The following TCF4 variants were observed in gnomAD, a reference collection of about 807,000 sequenced individuals.
TCF4 encodes transcription factor 4.
In TCF4, 3 loss-of-function variants were observed where a neutral mutation model predicts 82.1. The ratio of observed to expected loss-of-function variants is 0.04; its 90% confidence interval spans 0.02 to 0.09. The LOEUF (loss-of-function observed/expected upper bound fraction) is 0.09, where lower values mean the gene tolerates loss of function less well. TCF4 is among the 10% of genes least tolerant of loss of function. The pLI is 1.00. For missense variants in TCF4, 518 were observed against 852.7 expected, an observed-to-expected ratio of 0.61 and a Z score of 4.89; for synonymous variants, 276 against 309.6, an observed-to-expected ratio of 0.89 and a Z score of 1.14.
chr18:55,326,553 G>A (rs2076600502), intron 8 of TCF4, among the ~76,000 whole-genome samples: 1 of 151,868 alleles, frequency 6.6e-6, no homozygotes, highest in Non-Finnish European at 1.5e-5. Context: ...TCTTTTTGGA[G>A]CACCAAACAC....
chr18:55,530,520 C>T (rs1478222029), intron 3 of TCF4, among the ~76,000 whole-genome samples: 2 of 114,020 alleles, frequency 1.8e-5, no homozygotes, highest in African/African-American at 7.1e-5. Context: ...AAAGGAATAG[C>T]ATTATGCGGG....
chr18:55,272,192 C>A (rs1387589821), intron 10 of TCF4, among the ~76,000 whole-genome samples: 1 of 151,878 alleles, frequency 6.6e-6, no homozygotes, highest in Non-Finnish European at 1.5e-5. Context: ...AAGGAGTGAA[C>A]CAATGGAATC....
At position 55,275,666 on chromosome 18, in the gene TCF4, T is replaced by C; in HGVS notation, c.742A>G (p.Ile248Val). The C allele has an allele frequency of 3.1e-6, 5 of 1,613,882 alleles. No individual in the cohort carries two copies. Among genetic ancestry groups the C allele is most frequent in the Non-Finnish European group, 4.2e-6 (5 of 1,179,802 alleles). Residue 248 changes from isoleucine (I) to valine (V), a missense_variant, in exon 10 of 20, where the codon ATT becomes GTT. Physicochemically the swap from Ile to Val is conservative, Grantham distance 29. Around this residue, in one of 7 missense-constraint regions of TCF4, gnomAD observed 211 missense variants for 327.4 expected, o/e 0.64. Transcript: ENST00000354452. ...CTACAGTAGCTGCTGGACTGTGGAA[T>C]ATGAGAAGAGTTGCCCAACATTCCT... ...YAGMLGNSSH[I>V]PQSSSYCSLH...
chr18:55,430,575 C>G (rs2095157480), intron 5 of TCF4, among the ~76,000 whole-genome samples: 1 of 152,142 alleles, frequency 6.6e-6, no homozygotes, highest in Non-Finnish European at 1.5e-5. Context: ...GAATCAAACC[C>G]TACTGGGACT....
At chr18:55,247,979 G>T (rs1456918838) in intron 15 of TCF4, among the ~76,000 whole-genome samples, 1 of 152,172 alleles carries the variant, frequency 6.6e-6, no homozygotes, top group Admixed American at 6.5e-5. Flanking sequence ...GAAGGAGGCT[G>T]ATCAAGACTT....
At chr18:55,419,077 A>C (rs1244930393) in intron 5 of TCF4, among the ~76,000 whole-genome samples, 3 of 152,280 alleles carry the variant, frequency 2.0e-5, no homozygotes, top group Non-Finnish European at 2.9e-5. Flanking sequence ...ACCTGATCCG[A>C]GGGGCTTTTA....
At chr18:55,623,918 G>A (rs1182515379) in intron 2 of TCF4, among the ~76,000 whole-genome samples, 1 of 152,094 alleles carries the variant, frequency 6.6e-6, no homozygotes, top group Non-Finnish European at 1.5e-5. Flanking sequence ...CTATTCAGAG[G>A]ATATTGCAAT....
chr18:55,591,335 T>A (rs1477391251), upstream of TCF4: 1 of 152,254 alleles, frequency 6.6e-6, no homozygotes, highest in Non-Finnish European at 1.5e-5. Context: ...AATGAAAAGA[T>A]CACAAACGTT....
intron 5 of TCF4, among the ~76,000 whole-genome samples, chr18:55,440,375 T>C (rs1603466062): frequency 6.6e-6 from 1 of 152,348 alleles, no homozygotes; most frequent in African/African-American, 2.4e-5. Flanking sequence ...TTCATTTTCT[T>C]CTTCTCACCC....
intron 3 of TCF4, among the ~76,000 whole-genome samples, chr18:55,580,116 G>A (rs972591300): frequency 6.6e-6 from 1 of 151,916 alleles, no homozygotes; most frequent in South Asian, 2.1e-4. Flanking sequence ...GGATCCCCAC[G>A]CTTGTTTAAT....
rs989330479 is a variant in TCF4, at chr18:55,534,576, G to A, written c.145+50704C>T. Among the ~76,000 whole-genome samples the A allele has an allele frequency of 2.0e-5, 3 of 152,168 alleles. No individual in the cohort carries two copies. The East Asian group carries it at 5.8e-4, about 29-fold the overall frequency. On this transcript the variant is annotated intron_variant, in intron 3 of 19. Coordinates refer to ENST00000354452, the MANE Select transcript of TCF4 (RefSeq NM_001083962.2). ...ACCCAGACTTCTTCACTGTTTTAGA[G>A]AATAAGACACAGCAGAGTAGCGGCT...
intron 3 of TCF4, among the ~76,000 whole-genome samples, chr18:55,473,122 A>C (rs1242218407): frequency 6.6e-6 from 1 of 152,198 alleles, no homozygotes; most frequent in Non-Finnish European, 1.5e-5. Context: ...CTATTTGGTA[A>C]ATAATTTATT....
chr18:55,429,643 C>G lies in TCF4; in HGVS notation c.305-26125G>C, dbSNP rs572917263. 2.6e-5 allele frequency among the ~76,000 whole-genome samples: 4 copies of G among 151,862 alleles called. No individual in the cohort carries two copies. The East Asian group carries it at 7.7e-4, about 29-fold the overall frequency. On this transcript the variant is annotated intron_variant, in intron 5 of 19. Coordinates refer to ENST00000354452, the MANE Select transcript of TCF4 (RefSeq NM_001083962.2). ...GGGCATGGTGGTGGGCGCCTGTGGT[C>G]CCAGCTACTCGGGAGGCTGAGGCAG... is the stretch of plus-strand genomic sequence containing the variant.
At position 55,298,328 on chromosome 18, in the gene TCF4, C is replaced by T. The variant is rs377529057; in HGVS notation, c.550-18672G>A. Among the ~76,000 whole-genome samples the T allele has an allele frequency of 3.9e-5, 6 of 152,174 alleles. No individual in the cohort carries two copies. The East Asian group carries it at 9.6e-4, about 24-fold the overall frequency. ...TCCCTAAAACTCTTTTCCATTTTCC[C>T]ATTTCAAAACCAGAATGGTGTTAGG... is the stretch of plus-strand genomic sequence containing the variant. On this transcript the variant is annotated intron_variant, in intron 8 of 19. Transcript: ENST00000354452.
At chr18:55,310,835 G>A (rs57244653) in intron 8 of TCF4, among the ~76,000 whole-genome samples, 8,199 of 152,210 alleles carry the variant, frequency 0.054, 283 homozygotes, top group African/African-American at 0.096. Context: ...TTTATGTCCT[G>A]TAGGGAAAAA....
chr18:55,232,732 T>C (rs770713842), intron 16 of TCF4, 61 bp from the exon 17 acceptor site: 3 of 1,599,192 alleles, frequency 1.9e-6, no homozygotes, highest in South Asian at 1.1e-5. Context: ...GCACACCAGA[T>C]TGCAAGGCTG....
intron 8 of TCF4, chr18:55,321,855 G>T (rs1171104546): frequency 1.4e-6 from 2 of 1,471,308 alleles, no homozygotes; most frequent in Non-Finnish European, 1.8e-6. Context: ...CGGGCCAAGC[G>T]TGGTGAATAT....
intron 3 of TCF4, among the ~76,000 whole-genome samples, chr18:55,564,210 A>G (rs1275633444): frequency 2.0e-5 from 3 of 152,232 alleles, no homozygotes; most frequent in African/African-American, 4.8e-5. Flanking sequence ...AGCCTAGAAG[A>G]ATCCCAATGT....
At chr18:55,387,303 C>T (rs1475199533) in intron 6 of TCF4, among the ~76,000 whole-genome samples, 1 of 152,226 alleles carries the variant, frequency 6.6e-6, no homozygotes, top group Non-Finnish European at 1.5e-5. Flanking sequence ...GAGTTTGGGT[C>T]TAACCAGAAC....
Sources: allele counts gnomAD v4.1 joint callset (sites outside exome capture counted in the v4.1 genomes callset), GRCh38; gene constraint gnomAD v4.1.1; regional missense constraint gnomAD v4.1.1; transcripts MANE v1.5; gene names NCBI Gene and HGNC (gene_info 2026-07-23, HGNC 2026-07-21).